Variants in FHIT observed in about 807,000 individuals in gnomAD.
The protein encoded by FHIT is bis(5'-adenosyl)-triphosphatase.
Under a neutral mutation model 17.9 loss-of-function variants are expected in FHIT, and 19 were observed. The ratio of observed to expected loss-of-function variants is 1.06; its 90% CI spans 0.74 to 1.56. FHIT has a LOEUF of 1.56. Ranked by LOEUF, FHIT falls within the 40% of genes most tolerant of loss-of-function variation. The pLI is 0.00. For synonymous variants in FHIT, 81 were observed against 69.7 expected, an observed-to-expected ratio of 1.16 and a Z score of -0.81; for missense variants, 248 against 189.2, an observed-to-expected ratio of 1.31 and a Z score of -1.82.
chr3:60,340,053 A>C (rs1710439315), intron 5 of FHIT, among the ~76,000 whole-genome samples: 1 of 151,980 alleles, frequency 6.6e-6, no homozygotes, highest in Admixed American at 6.6e-5. Context: ...TCTGCCTCAA[A>C]ATTTTATGGA....
chr3:59,784,495 C>T (rs673870), intron 8 of FHIT, among the ~76,000 whole-genome samples: 18,804 of 152,254 alleles, frequency 0.12, 1,304 homozygotes, highest in Non-Finnish European at 0.17. Flanking sequence ...TCATTACTTA[C>T]AACTGTGTGG....
chr3:60,842,506 G>A (rs1401200393), intron 3 of FHIT, among the ~76,000 whole-genome samples: 1 of 150,966 alleles, frequency 6.6e-6, no homozygotes, highest in African/African-American at 2.4e-5. Flanking sequence ...CAAGGTATAT[G>A]TGATATTTTT....
chr3:60,438,763 G>A lies in FHIT; in HGVS notation c.103+98097C>T, dbSNP rs144792246. 9.0e-3 allele frequency among the ~76,000 whole-genome samples: 1,367 copies of A among 152,150 alleles called. 15 individuals are homozygous for A. The highest frequency in any genetic ancestry group is 0.028 in the East Asian group (147 of 5,166). The stretch of plus-strand genomic sequence containing the variant: ...ATGCTGATCACCAACTAACCACATT[G>A]TTGGGTTAAATCAAACCTCTGCAAT... On this transcript the variant is annotated intron_variant, in intron 5 of 9. Coordinates refer to ENST00000492590, the MANE Select transcript of FHIT (RefSeq NM_002012.4).
intron 4 of FHIT, among the ~76,000 whole-genome samples, chr3:60,654,136 G>A (rs1380198319): frequency 7.0e-6 from 1 of 142,614 alleles, no homozygotes; most frequent in African/African-American, 2.6e-5. Flanking sequence ...CGCCATAATT[G>A]TAAGCTTCCT....
chr3:61,233,057 T>C (rs1281463106), intron 1 of FHIT, among the ~76,000 whole-genome samples: 1 of 152,228 alleles, frequency 6.6e-6, no homozygotes, highest in Non-Finnish European at 1.5e-5. Flanking sequence ...TTTCACTTTA[T>C]ACCTTTTTAT....
rs576864588 is a variant in FHIT, at chr3:59,886,036, C to T, written c.348+36310G>A. Among the ~76,000 whole-genome samples the T allele has an allele frequency of 2.0e-5, 3 of 152,350 alleles. No individual in the cohort carries two copies. The South Asian group carries it at 6.2e-4, about 32-fold the overall frequency. ...ATTTGGGGAACACCATTCCATTGGG[C>T]AAGCTCTGATATGCAGAATCTAAGG... On this transcript the variant is annotated intron_variant, in intron 8 of 9. Coordinates refer to ENST00000492590, the MANE Select transcript of FHIT (RefSeq NM_002012.4).
intron 4 of FHIT, among the ~76,000 whole-genome samples, chr3:60,584,826 G>A: frequency 6.6e-6 from 1 of 151,862 alleles, no homozygotes; most frequent in East Asian, 1.9e-4. Flanking sequence ...TCCTTACAAT[G>A]TAATATCTAG....
At chr3:60,100,743 C>CT (rs1704157692) in intron 5 of FHIT, among the ~76,000 whole-genome samples, 1 of 152,106 alleles carries the variant, frequency 6.6e-6, no homozygotes, top group Admixed American at 6.5e-5. Context: ...ATCATGACTT[C>CT]TTTTCTAATC....
chr3:60,467,164 C>G (rs576269708), intron 5 of FHIT, among the ~76,000 whole-genome samples: 29 of 152,060 alleles, frequency 1.9e-4, no homozygotes, highest in African/African-American at 7.0e-4. Context: ...TAGTAGCTCA[C>G]AGTATCTTCT....
chr3:60,578,004 G>A (rs2037626589), intron 4 of FHIT, among the ~76,000 whole-genome samples: 1 of 152,120 alleles, frequency 6.6e-6, no homozygotes, highest in South Asian at 2.1e-4. Flanking sequence ...ACTTTGTGTA[G>A]CTCCAGCCCA....
intron 2 of FHIT, among the ~76,000 whole-genome samples, chr3:61,122,518 A>G (rs2106926842): frequency 6.6e-6 from 1 of 152,366 alleles, no homozygotes; most frequent in South Asian, 2.1e-4. Flanking sequence ...ATCCAATTAA[A>G]CTAAAGAGCT....
intron 5 of FHIT, among the ~76,000 whole-genome samples, chr3:60,177,557 A>G (rs923474958): frequency 6.6e-6 from 1 of 152,226 alleles, no homozygotes; most frequent in African/African-American, 2.4e-5. Flanking sequence ...ATGGGGAAAC[A>G]GACAAATTCC....
chr3:60,042,191 A>G (rs998362405), intron 5 of FHIT, among the ~76,000 whole-genome samples: 1 of 152,228 alleles, frequency 6.6e-6, no homozygotes, highest in Non-Finnish European at 1.5e-5. Flanking sequence ...GAAATTTATT[A>G]GAAGCAGCTC....
intron 5 of FHIT, among the ~76,000 whole-genome samples, chr3:60,475,693 A>G (rs1294686560): frequency 6.6e-6 from 1 of 152,202 alleles, no homozygotes; most frequent in East Asian, 1.9e-4. Context: ...TTTCATGTAA[A>G]TACAGGTTAA....
intron 7 of FHIT, among the ~76,000 whole-genome samples, chr3:59,967,123 T>C (rs372037787): frequency 3.1e-4 from 47 of 152,258 alleles, no homozygotes; most frequent in Admixed American, 2.5e-3. Context: ...CTCTTCTATG[T>C]CCACATCTTG....
At chr3:60,861,029 T>G (rs1703783935) in intron 3 of FHIT, among the ~76,000 whole-genome samples, 1 of 103,906 alleles carries the variant, frequency 9.6e-6, no homozygotes, top group South Asian at 2.8e-4. Context: ...TATACGTATA[T>G]CATGTATATA....
chr3:61,226,863 G>C lies in FHIT; in HGVS notation c.-213+24438C>G, dbSNP rs369482134. ...AATGTTTAGTAAGCATGTGGTATGAGCCAGACACTGAAATGGGTAGAATGC... is the reference window on the plus strand; with the variant it reads ...AATGTTTAGTAAGCATGTGGTATGACCCAGACACTGAAATGGGTAGAATGC... On this transcript the variant is annotated intron_variant, in intron 1 of 9. Coordinates refer to ENST00000492590, the MANE Select transcript of FHIT (RefSeq NM_002012.4). 1.2e-4 allele frequency among the ~76,000 whole-genome samples: 19 copies of C among 152,284 alleles called. No individual in the cohort carries two copies. The South Asian group carries it at 3.7e-3, about 30-fold the overall frequency.
At chr3:60,662,493 T>C (rs1577042111) in intron 4 of FHIT, among the ~76,000 whole-genome samples, 1 of 152,324 alleles carries the variant, frequency 6.6e-6, no homozygotes, top group Middle Eastern at 3.4e-3. Flanking sequence ...AGATTTGTTC[T>C]TTTTGCTTAG....
Position 60,553,616 on chromosome 3 carries a change from T to G in FHIT, c.-17-16637A>C, listed in dbSNP as rs183463983. ...AAGATATAGGGTGTAAATGGATACTTCTATGTTTTATGCTTCAACCTGACC... is the reference window on the plus strand; with the variant it reads ...AAGATATAGGGTGTAAATGGATACTGCTATGTTTTATGCTTCAACCTGACC... On this transcript the variant is annotated intron_variant, in intron 4 of 9. Transcript: ENST00000492590. Among the ~76,000 whole-genome samples, 25 of 151,174 alleles carry G rather than the reference T, an allele frequency of 1.7e-4. No individual in the cohort carries two copies. In the East Asian group the frequency reaches 3.7e-3, roughly 22 times the overall value.
Sources: allele counts gnomAD v4.1 joint callset (sites outside exome capture counted in the v4.1 genomes callset), GRCh38; gene constraint gnomAD v4.1.1; transcripts MANE v1.5; gene names NCBI Gene and HGNC (gene_info 2026-07-23, HGNC 2026-07-21).